The following TBC1D15 variants were observed in gnomAD, a reference collection of about 807,000 sequenced individuals.
TBC1D15 encodes TBC1 domain family member 15.
A neutral mutation model predicts 95.4 loss-of-function variants in TBC1D15; 39 were observed. That is an observed-to-expected ratio of 0.41 (90% CI 0.32 to 0.53). TBC1D15 has a LOEUF of 0.53. TBC1D15 is among the 20% of genes least tolerant of loss of function. The pLI, the probability that TBC1D15 is intolerant of heterozygous loss-of-function variation, is 0.29. For synonymous variants in TBC1D15, 258 were observed against 261.3 expected, an observed-to-expected ratio of 0.99 and a Z score of 0.12; for missense variants, 733 against 794.3, an observed-to-expected ratio of 0.92 and a Z score of 0.93.
In TBC1D15 at chr12:71,880,494, C is replaced by G. The variant is rs1335927524; in HGVS notation, c.230C>G (p.Thr77Ser). Residue 77 changes from threonine (T) to serine (S), a missense_variant, in exon 4 of 17, where the codon ACT becomes AGT. Thr to Ser is a moderately conservative substitution (Grantham distance 58, BLOSUM62 1). Transcript: ENST00000485960. ...RKDSSSVVEW[T>S]QAPKERGHRG... Reference sequence around the variant, plus strand: ...GACTCCAGTTCAGTTGTAGAATGGACTCAGGCCCCAAAAGAAAGAGGTCAT... The same window carrying G: ...GACTCCAGTTCAGTTGTAGAATGGAGTCAGGCCCCAAAAGAAAGAGGTCAT... 2 of 1,605,342 alleles carry G rather than the reference C, an allele frequency of 1.2e-6. No individual in the cohort carries two copies. Among genetic ancestry groups the G allele is most frequent in the Admixed American group, 1.7e-5 (1 of 59,136 alleles).
At position 71,913,491 on chromosome 12, in the gene TBC1D15, C is replaced by G. The variant is rs1328967068; in HGVS notation, c.1301-335C>G. ...GTATACTCTTACATTTGATGTTCCT[C>G]TGGATTATCTCTTCACCCCTCTTCT... On this transcript the variant is annotated intron_variant, in intron 11 of 16. Coordinates refer to ENST00000485960, the MANE Select transcript of TBC1D15 (RefSeq NM_001146213.3). The G allele has an allele frequency of 2.4e-5, 5 of 205,172 alleles. No individual in the cohort carries two copies. In the South Asian group the frequency reaches 4.2e-4, roughly 17 times the overall value. The allele number at this position is 205,172 out of a possible 1,614,324, so 12.7% of individuals were successfully genotyped here.
intron 1 of TBC1D15, among the ~76,000 whole-genome samples, chr12:71,862,255 T>G (rs1394406609): frequency 6.6e-6 from 1 of 152,166 alleles, no homozygotes; most frequent in Non-Finnish European, 1.5e-5. Flanking sequence ...CTAAATGATC[T>G]GTCCAATGCT....
chr12:71,869,797 T>G (rs1892282265), intron 1 of TBC1D15, among the ~76,000 whole-genome samples: 1 of 152,216 alleles, frequency 6.6e-6, no homozygotes, highest in Admixed American at 6.5e-5. Flanking sequence ...CCCTCCTGTT[T>G]GATAAACTGA....
intron 16 of TBC1D15, 151 bp downstream of exon 16, chr12:71,921,605 T>A (rs139229950): frequency 2.6e-5 from 11 of 430,640 alleles, no homozygotes; most frequent in Admixed American, 8.3e-5. Context: ...TGTTCTAGAT[T>A]TACAGCACTT....
At chr12:71,896,639 T>G (rs764803686) in intron 8 of TBC1D15, 38 bp from the exon 9 acceptor site, 1 of 1,542,992 alleles carries the variant, frequency 6.5e-7, no homozygotes, top group Non-Finnish European at 8.8e-7. Context: ...TATTACATTC[T>G]TTTTCATTCA....
intron 1 of TBC1D15, chr12:71,849,185 A>C (rs932741173): frequency 3.2e-6 from 1 of 310,284 alleles, no homozygotes; most frequent in Non-Finnish European, 5.9e-6. Context: ...AAAACAAAAA[A>C]AAAACAAAAA....
intron 1 of TBC1D15, among the ~76,000 whole-genome samples, chr12:71,864,345 G>A (rs930269099): frequency 1.3e-5 from 2 of 152,088 alleles, no homozygotes; most frequent in African/African-American, 4.8e-5. Context: ...TGGGATTACA[G>A]GTGTGAGCTA....
At chr12:71,914,165 T>C (rs969556129) in intron 12 of TBC1D15, among the ~76,000 whole-genome samples, 2 of 151,974 alleles carry the variant, frequency 1.3e-5, no homozygotes, top group Non-Finnish European at 2.9e-5. Flanking sequence ...TTAATATCAG[T>C]AAATGCTTAT....
At chr12:71,857,209 C>T (rs1889296247) in intron 1 of TBC1D15, among the ~76,000 whole-genome samples, 1 of 152,026 alleles carries the variant, frequency 6.6e-6, no homozygotes. Context: ...CTTGGCCTCC[C>T]AGTGTCCTGG....
chr12:71,896,594 T>C (rs1898232772), intron 8 of TBC1D15, 83 bp from the exon 9 acceptor site: 1 of 1,171,496 alleles, frequency 8.5e-7, no homozygotes, highest in Non-Finnish European at 1.2e-6. Context: ...AAAGATTAGT[T>C]TTCCTTTTTA....
At chr12:71,866,464 G>C (rs1348956534) in intron 1 of TBC1D15, among the ~76,000 whole-genome samples, 1 of 152,204 alleles carries the variant, frequency 6.6e-6, no homozygotes, top group Non-Finnish European at 1.5e-5. Flanking sequence ...GCTTTAGGAA[G>C]AAGTTCCTCC....
At chr12:71,850,410 T>C (rs1273293590) in intron 1 of TBC1D15, 3 of 268,558 alleles carry the variant, frequency 1.1e-5, no homozygotes, top group East Asian at 1.1e-4. Flanking sequence ...CTGAGCAGGT[T>C]GGCTGCACAG....
At chr12:71,897,289 A>C (rs907136505) in intron 9 of TBC1D15, 5 of 153,966 alleles carry the variant, frequency 3.2e-5, no homozygotes, top group African/African-American at 1.2e-4. Context: ...CTTTCCAGGT[A>C]CAACTTCTTG....
At chr12:71,842,171 A>G (rs1170669245) in intron 1 of TBC1D15, among the ~76,000 whole-genome samples, 1 of 152,104 alleles carries the variant, frequency 6.6e-6, no homozygotes, top group Non-Finnish European at 1.5e-5. Flanking sequence ...TTAAAACTCT[A>G]CTTGCTTTGA....
chr12:71,881,769 T>C (rs1370548463), intron 4 of TBC1D15, among the ~76,000 whole-genome samples: 1 of 151,520 alleles, frequency 6.6e-6, no homozygotes, highest in Non-Finnish European at 1.5e-5. Context: ...ACAAAAAAAT[T>C]AGCCGGGCGT....
chr12:71,843,392 C>A (rs1287572313), intron 1 of TBC1D15, among the ~76,000 whole-genome samples: 4 of 151,924 alleles, frequency 2.6e-5, no homozygotes, highest in African/African-American at 9.7e-5. Flanking sequence ...CTAACCAATT[C>A]TTTTTAAATA....
rs112755827 is a variant in TBC1D15 at position 71,915,489 on chromosome 12, A to G, written c.1401+1563A>G. Among the ~76,000 whole-genome samples, 1,247 of 151,212 alleles carry G rather than the reference A, an allele frequency of 8.2e-3. 12 individuals are homozygous for G. Among genetic ancestry groups the G allele is most frequent in the Non-Finnish European group, 0.014 (935 of 67,812 alleles). On this transcript the variant is annotated intron_variant, in intron 12 of 16. Coordinates refer to ENST00000485960, the MANE Select transcript of TBC1D15 (RefSeq NM_001146213.3). ...AACACAACTAAGATGAACATACTGC[A>G]TTTAGTATCATGCAATAAGTTTTCA...
intron 3 of TBC1D15, among the ~76,000 whole-genome samples, chr12:71,873,688 A>G (rs941158697): frequency 6.6e-6 from 1 of 152,222 alleles, no homozygotes; most frequent in Non-Finnish European, 1.5e-5. Context: ...CCAGCAGTAT[A>G]TGAGGATTCC....
At chr12:71,869,938 T>C (rs1449596745) in intron 1 of TBC1D15, among the ~76,000 whole-genome samples, 1 of 152,244 alleles carries the variant, frequency 6.6e-6, no homozygotes, top group Non-Finnish European at 1.5e-5. Flanking sequence ...ACATAGAAAG[T>C]TAACAGTTCC....
Sources: allele counts gnomAD v4.1 joint callset (sites outside exome capture counted in the v4.1 genomes callset), GRCh38; gene constraint gnomAD v4.1.1; transcripts MANE v1.5; gene names NCBI Gene and HGNC (gene_info 2026-07-23, HGNC 2026-07-21).